TRPM3: variants seen among roughly 807,000 people sequenced by gnomAD.
TRPM3 encodes the protein transient receptor potential cation channel subfamily M member 3.
TRPM3 carries 77 observed loss-of-function variants against 181.2 expected under a neutral mutation model. The ratio of observed to expected loss-of-function variants is 0.42; its 90% CI spans 0.35 to 0.51. TRPM3 has a LOEUF of 0.51. Ranked by LOEUF, TRPM3 falls within the 20% of genes least tolerant of loss-of-function variation. The pLI, the probability that TRPM3 is intolerant of heterozygous loss-of-function variation, is 0.01. For synonymous variants in TRPM3, 745 were observed against 796.4 expected (o/e 0.94, Z 1.09); for missense variants, 1,759 against 2,196.7 (o/e 0.80, Z 3.98).
intron 18 of TRPM3, among the ~76,000 whole-genome samples, chr9:70,612,556 T>C (rs2133052806): frequency 6.6e-6 from 1 of 152,366 alleles, no homozygotes; most frequent in Non-Finnish European, 1.5e-5. Context: ...TCACAAATGA[T>C]TGACCTGTAA....
intron 7 of TRPM3, 63 bp downstream of exon 7, chr9:70,784,042 A>T: frequency 1.3e-6 from 2 of 1,548,700 alleles, no homozygotes; most frequent in East Asian, 2.3e-5. Flanking sequence ...AACATAATCC[A>T]CTCATACCCT....
At chr9:70,971,225 G>T (rs2097241511) in intron 1 of TRPM3, among the ~76,000 whole-genome samples, 1 of 152,108 alleles carries the variant, frequency 6.6e-6, no homozygotes, top group African/African-American at 2.4e-5. Flanking sequence ...CTTAACCACT[G>T]GTTTCTTTTC....
chr9:71,359,615 C>T (rs1198648351), intron 1 of TRPM3, among the ~76,000 whole-genome samples: 1 of 152,066 alleles, frequency 6.6e-6, no homozygotes, highest in African/African-American at 2.4e-5. Flanking sequence ...TCTTATTATG[C>T]CCATATATTT....
chr9:70,990,941 C>T (rs570297262), intron 1 of TRPM3, among the ~76,000 whole-genome samples: 5 of 152,282 alleles, frequency 3.3e-5, no homozygotes, highest in African/African-American at 1.2e-4. Context: ...TTTATAGACA[C>T]ATGTAATGAA....
chr9:70,872,620 T>G (rs2095807328), intron 1 of TRPM3, among the ~76,000 whole-genome samples: 1 of 151,974 alleles, frequency 6.6e-6, no homozygotes. Context: ...GCTGTGTCTT[T>G]GTAGGTTTGT....
At chr9:71,395,359 C>T (rs1363741815) in intron 1 of TRPM3, among the ~76,000 whole-genome samples, 1 of 152,162 alleles carries the variant, frequency 6.6e-6, no homozygotes, top group Admixed American at 6.5e-5. Context: ...TCCTATATCA[C>T]CTAGGAAAAT....
intron 1 of TRPM3, among the ~76,000 whole-genome samples, chr9:71,357,638 T>C (rs2091957273): frequency 6.6e-6 from 1 of 151,926 alleles, no homozygotes; most frequent in African/African-American, 2.4e-5. Context: ...CAAAATTAAC[T>C]AGCCTTATTT....
intron 9 of TRPM3, among the ~76,000 whole-genome samples, chr9:70,655,588 T>C (rs1263232823): frequency 1.3e-5 from 2 of 152,162 alleles, no homozygotes; most frequent in African/African-American, 4.8e-5. Context: ...AGGATCTTTG[T>C]GTGCGTGATT....
At chr9:71,109,932 C>A (rs2070677768) in intron 1 of TRPM3, among the ~76,000 whole-genome samples, 1 of 152,074 alleles carries the variant, frequency 6.6e-6, no homozygotes, top group Non-Finnish European at 1.5e-5. Context: ...TTGAAAAGCA[C>A]CTTTCAAATG....
chr9:70,982,882 G>T (rs554888511), intron 1 of TRPM3, among the ~76,000 whole-genome samples: 9 of 152,096 alleles, frequency 5.9e-5, no homozygotes, highest in African/African-American at 2.2e-4. Context: ...TCTATTTTTA[G>T]TAAAGATGGG....
chr9:70,970,611 T>C (rs541163963), intron 1 of TRPM3, among the ~76,000 whole-genome samples: 1 of 152,308 alleles, frequency 6.6e-6, no homozygotes, highest in Admixed American at 6.5e-5. Context: ...ATGTCCTGAA[T>C]AACATTTGCC....
intron 5 of TRPM3, among the ~76,000 whole-genome samples, chr9:70,829,191 T>G (rs1485659294): frequency 6.6e-6 from 1 of 152,194 alleles, no homozygotes; most frequent in African/African-American, 2.4e-5. Flanking sequence ...CTCTTGTTCT[T>G]TTTCAGTATG....
chr9:71,293,234 C>T (rs2085972188), intron 1 of TRPM3, among the ~76,000 whole-genome samples: 1 of 151,524 alleles, frequency 6.6e-6, no homozygotes, highest in East Asian at 1.9e-4. Context: ...TTTGAAATGA[C>T]ACACAGAAAA....
intron 1 of TRPM3, among the ~76,000 whole-genome samples, chr9:70,887,765 A>G (rs1564690629): frequency 6.6e-6 from 1 of 152,178 alleles, no homozygotes; most frequent in Non-Finnish European, 1.5e-5. Flanking sequence ...CCACCAGAGA[A>G]TGGTTTGCCC....
At chr9:71,152,931 A>G (rs141781060) in intron 1 of TRPM3, among the ~76,000 whole-genome samples, 1 of 152,298 alleles carries the variant, frequency 6.6e-6, no homozygotes, top group East Asian at 1.9e-4. Context: ...GTCTAGTAGG[A>G]AAGACTGCAA....
chr9:70,956,065 A>G (rs906617521), intron 1 of TRPM3, among the ~76,000 whole-genome samples: 1 of 152,192 alleles, frequency 6.6e-6, no homozygotes, highest in Non-Finnish European at 1.5e-5. Flanking sequence ...TGAGCTATTT[A>G]GCACTATCAT....
chr9:71,174,599 T>C (rs2077018504), intron 1 of TRPM3, among the ~76,000 whole-genome samples: 2 of 152,030 alleles, frequency 1.3e-5, no homozygotes, highest in South Asian at 4.1e-4. Flanking sequence ...GAAGGCATAT[T>C]TTGAGGCATC....
chr9:70,781,285 A>C (rs138323373), intron 7 of TRPM3, among the ~76,000 whole-genome samples: 334 of 148,012 alleles, frequency 2.3e-3, no homozygotes, highest in Middle Eastern at 3.5e-3. Flanking sequence ...AGATTGCATC[A>C]CTGCACTCCA....
intron 1 of TRPM3, among the ~76,000 whole-genome samples, chr9:71,395,911 A>AC (rs1444082438): frequency 6.6e-6 from 1 of 152,186 alleles, no homozygotes; most frequent in Non-Finnish European, 1.5e-5. Context: ...ACTGGGTATG[A>AC]ATTTGGGGAA....
Sources: allele counts gnomAD v4.1 joint callset (sites outside exome capture counted in the v4.1 genomes callset), GRCh38; gene constraint gnomAD v4.1.1; transcripts MANE v1.5; gene names NCBI Gene and HGNC (gene_info 2026-07-23, HGNC 2026-07-21).